The following NPC1 variants were observed in gnomAD, a reference collection of about 807,000 sequenced individuals.
NPC1 encodes Niemann-Pick C1 protein.
Under a neutral mutation model 140.4 loss-of-function variants are expected in NPC1, and 85 were observed. The ratio of observed to expected loss-of-function variants is 0.61; its 90% CI spans 0.51 to 0.72. The LOEUF (loss-of-function observed/expected upper bound fraction) is 0.72, where lower values mean the gene tolerates loss of function less well. Among genes scored for constraint, NPC1 ranks in the 30% least tolerant of loss-of-function variants. The pLI is 0.00. For synonymous variants in NPC1, 656 were observed against 624.8 expected, an observed-to-expected ratio of 1.05 and a Z score of -0.74; for missense variants, 1,504 against 1,623.8, an observed-to-expected ratio of 0.93 and a Z score of 1.27.
chr18:23,551,137 G>C (rs1288184924), intron 10 of NPC1, among the ~76,000 whole-genome samples: 2 of 152,186 alleles, frequency 1.3e-5, no homozygotes, highest in African/African-American at 4.8e-5. Context: ...CCAGGAAAGA[G>C]CAAACCAGCT....
At chr18:23,539,683 A>G (rs2058684177) in intron 18 of NPC1, 128 bp downstream of exon 18, 4 of 1,089,358 alleles carry the variant, frequency 3.7e-6, no homozygotes, top group Admixed American at 3.9e-5. Flanking sequence ...CAGATTTAAC[A>G]TACATTTTGC....
intron 19 of NPC1, among the ~76,000 whole-genome samples, 189 bp downstream of exon 19, chr18:23,539,166 G>C (rs905727177): frequency 4.6e-5 from 7 of 152,146 alleles, no homozygotes; most frequent in Non-Finnish European, 1.0e-4. Flanking sequence ...CAGCCCCGAG[G>C]GTGGCTGTCT....
At chr18:23,568,007 C>A (rs1377040143) in intron 4 of NPC1, among the ~76,000 whole-genome samples, 4 of 152,152 alleles carry the variant, frequency 2.6e-5, no homozygotes, top group Non-Finnish European at 4.4e-5. Context: ...GTCTAGAAAT[C>A]TTTCCATATT....
At position 23,533,239 on chromosome 18, in the gene NPC1, CATT is replaced by C. The variant is rs1410021162; in HGVS notation, c.3754+113_3754+115del. 6 of 1,140,702 alleles carry C rather than the reference CATT, an allele frequency of 5.3e-6. No homozygotes were observed. The Admixed American group carries it at 1.2e-4, about 22-fold the overall frequency. The allele number at this position is 1,140,702 out of a possible 1,614,324, so 70.7% of individuals were successfully genotyped here. ...AATTTTTTTACTCAGTATCATTTAT[CATT>C]ATCAAATGACCATTAGTATGAGTTC... On this transcript the variant is annotated intron_variant, in intron 24 of 24. Transcript: ENST00000269228.
chr18:23,526,059 G>GGT (rs1462405706), downstream of NPC1, among the ~76,000 whole-genome samples: 1 of 152,168 alleles, frequency 6.6e-6, no homozygotes, highest in Admixed American at 6.5e-5. Context: ...AACTGAAAAG[G>GGT]GGGTCACCCA....
intron 3 of NPC1, among the ~76,000 whole-genome samples, chr18:23,571,427 C>T (rs12957819): frequency 0.13 from 20,084 of 151,822 alleles, 1,590 homozygotes; most frequent in Middle Eastern, 0.28. Flanking sequence ...CAGGCTGAGG[C>T]GGGTAGATGA....
At chr18:23,584,576 A>T (rs1230261082) in intron 1 of NPC1, among the ~76,000 whole-genome samples, 1 of 152,166 alleles carries the variant, frequency 6.6e-6, no homozygotes, top group Non-Finnish European at 1.5e-5. Context: ...GCTACTTAAT[A>T]ATGTGAAGCC....
chr18:23,564,834 T>C (rs1411179239), intron 4 of NPC1, among the ~76,000 whole-genome samples: 1 of 152,228 alleles, frequency 6.6e-6, no homozygotes, highest in African/African-American at 2.4e-5. Flanking sequence ...TTTGAGTTAA[T>C]TTCTTTAACA....
At chr18:23,576,525 C>T in intron 1 of NPC1, 1 of 1,004,210 alleles carries the variant, frequency 1.0e-6, no homozygotes, top group Non-Finnish European at 1.2e-6. Flanking sequence ...TTTAAATGCT[C>T]TTCACATTGT....
At chr18:23,510,503 C>T (rs1297576734) in intron 3 of NPC1, among the ~76,000 whole-genome samples, 2 of 152,004 alleles carry the variant, frequency 1.3e-5, no homozygotes, top group Admixed American at 1.3e-4. Flanking sequence ...CAAAAATTAG[C>T]CAGGTTGGTG....
intron 3 of NPC1, among the ~76,000 whole-genome samples, chr18:23,511,959 T>C (rs1395511777): frequency 2.6e-5 from 4 of 151,994 alleles, no homozygotes; most frequent in Non-Finnish European, 4.4e-5. Flanking sequence ...TTCATACCTT[T>C]AGGAGGACTG....
rs1418401182 is a variant in NPC1 at position 23,573,469 on chromosome 18, C to T, written c.163G>A (p.Gly55Arg). ...SGPPKPLPKD[G>R]YDLVQELCPG... ...GAACTTACCTGCACTAAGTCATATC[C>T]ATCCTTTGGCAATGGTTTTGGTGGG... The change falls in exon 2 of 25, where the codon GGA becomes AGA. Residue 55 changes from glycine to arginine, a missense_variant. Coordinates refer to ENST00000269228, the MANE Select transcript of NPC1 (RefSeq NM_000271.5). The T allele has an allele frequency of 6.2e-7, 1 of 1,614,042 alleles. No individual in the cohort carries two copies. Among genetic ancestry groups the T allele is most frequent in the Non-Finnish European group, 8.5e-7 (1 of 1,180,032 alleles).
At chr18:23,532,663 TCTC>T (rs1049262495) in intron 24 of NPC1, among the ~76,000 whole-genome samples, 22 of 150,630 alleles carry the variant, frequency 1.5e-4, no homozygotes, top group African/African-American at 4.9e-4. Context: ...CTCAAACGAT[TCTC>T]CTGTCTCAGC....
chr18:23,549,892 C>A (rs2058843715), intron 10 of NPC1, among the ~76,000 whole-genome samples: 1 of 151,956 alleles, frequency 6.6e-6, no homozygotes, highest in South Asian at 2.1e-4. Context: ...CAGGCACACA[C>A]CACCACGTGT....
intron 23 of NPC1, 104 bp from the exon 24 acceptor site, chr18:23,533,621 C>T (rs765079440): frequency 8.7e-7 from 1 of 1,152,456 alleles, no homozygotes; most frequent in Non-Finnish European, 1.3e-6. Flanking sequence ...ATTCTCCTGC[C>T]CCAGCCTCCT....
In NPC1 at chr18:23,540,528, A is replaced by T. The variant is rs190298665; in HGVS notation, c.2524T>A (p.Phe842Ile). Residue 842 changes from phenylalanine (F) to isoleucine (I), a missense_variant, in exon 17 of 25, where the codon TTT becomes ATT. By Grantham distance (21) the Phe-to-Ile change is conservative. Coordinates refer to ENST00000269228, the MANE Select transcript of NPC1 (RefSeq NM_000271.5). The part of the protein sequence containing the change: ...DWMRPIVIAI[F>I]VGVLSFSIAV... ...ATGCTGAATGACAGAACACCCACAA[A>T]TATTGCTATCTGGAACAACAAATGA... is the stretch of plus-strand genomic sequence containing the variant. The T allele has an allele frequency of 6.2e-7, 1 of 1,610,386 alleles. No individual in the cohort carries two copies.
intron 4 of NPC1, 107 bp downstream of exon 4, chr18:23,568,715 GA>G (rs2059160721): frequency 2.3e-6 from 2 of 871,024 alleles, no homozygotes; most frequent in Admixed American, 3.8e-5. Flanking sequence ...CTGGCCAATG[GA>G]ACTGAAAATT....
At chr18:23,542,802 T>A (rs2058730309) in intron 14 of NPC1, among the ~76,000 whole-genome samples, 1 of 152,156 alleles carries the variant, frequency 6.6e-6, no homozygotes, top group South Asian at 2.1e-4. Flanking sequence ...TGGAGAAGGA[T>A]TCAGTGGCTA....
At chr18:23,552,981 C>T (rs2058895200) in intron 9 of NPC1, among the ~76,000 whole-genome samples, 1 of 152,234 alleles carries the variant, frequency 6.6e-6, no homozygotes, top group South Asian at 2.1e-4. Flanking sequence ...CTGGGCAGGC[C>T]ACCTGCCATT....
Sources: gnomAD v4.1 joint callset for allele counts (sites outside exome capture counted in the v4.1 genomes callset) on GRCh38, gnomAD v4.1.1 for gene constraint, MANE v1.5 for transcripts, NCBI Gene and HGNC (gene_info 2026-07-23, HGNC 2026-07-21) for gene names.